The following PHF14 variants were observed in gnomAD, a reference collection of about 807,000 sequenced individuals.
The protein encoded by PHF14 is PHD finger protein 14.
A neutral mutation model predicts 117.9 loss-of-function variants in PHF14; 55 were observed. The observed-to-expected ratio is 0.47, with a 90% CI of 0.38 to 0.58. The LOEUF (loss-of-function observed/expected upper bound fraction) is 0.58, where lower values mean the gene tolerates loss of function less well. Ranked by LOEUF, PHF14 falls within the 20% of genes least tolerant of loss-of-function variation. The pLI, the probability that PHF14 is intolerant of heterozygous loss-of-function variation, is 0.00. For synonymous variants in PHF14, 409 were observed against 368.6 expected (o/e 1.11, Z -1.26); for missense variants, 978 against 1,122.2 (o/e 0.87, Z 1.84).
intron 16 of PHF14, among the ~76,000 whole-genome samples, chr7:11,101,371 A>C (rs544137680): frequency 2.6e-5 from 4 of 151,830 alleles, no homozygotes; most frequent in African/African-American, 7.2e-5. Context: ...TTCCTCTTGC[A>C]TTATACTTTT....
chr7:11,017,455 T>G (rs895907932), intron 5 of PHF14, among the ~76,000 whole-genome samples: 6 of 152,168 alleles, frequency 3.9e-5, no homozygotes, highest in African/African-American at 1.4e-4. Flanking sequence ...GAGATGATAT[T>G]TCATGATAGT....
At chr7:11,100,263 A>G (rs913392312) in intron 16 of PHF14, among the ~76,000 whole-genome samples, 10 of 151,936 alleles carry the variant, frequency 6.6e-5, no homozygotes, top group Admixed American at 3.3e-4. Flanking sequence ...TTGAAATTTG[A>G]TTGATTTCCC....
intron 16 of PHF14, chr7:11,105,449 T>G: frequency 1.0e-6 from 1 of 963,100 alleles, no homozygotes; most frequent in Non-Finnish European, 1.2e-6. Context: ...ATGAGAATAT[T>G]TCATGACTAT....
intron 16 of PHF14, among the ~76,000 whole-genome samples, chr7:11,087,117 G>T (rs182972042): frequency 2.0e-4 from 31 of 152,120 alleles, no homozygotes; most frequent in Middle Eastern, 3.4e-3. Context: ...TATTCTGAAA[G>T]AAATTTGTTA....
intron 17 of PHF14, 72 bp downstream of exon 17, chr7:11,111,539 A>G: frequency 1.4e-6 from 1 of 721,468 alleles, no homozygotes; most frequent in Non-Finnish European, 2.4e-6. Context: ...TCACACAATT[A>G]GCTTCTTTAA....
intron 4 of PHF14, among the ~76,000 whole-genome samples, chr7:10,994,153 T>C (rs1468661540): frequency 6.6e-6 from 1 of 151,018 alleles, no homozygotes; most frequent in Non-Finnish European, 1.5e-5. Context: ...AATGTAAAGA[T>C]CTCAGCCAAG....
intron 13 of PHF14, 92 bp downstream of exon 13, chr7:11,042,906 G>A: frequency 3.5e-6 from 3 of 867,972 alleles, no homozygotes; most frequent in East Asian, 3.0e-5. Context: ...TCATAATAAA[G>A]TATTTGGCAC....
In PHF14 at chr7:10,982,933, C is replaced by G. The variant is rs61753124; in HGVS notation, c.674C>G (p.Ser225Cys). ...RPTVVKRKGR[S>C]ASQKEGSDGD... Reference sequence around the variant, plus strand: ...ACTGTAGTAAAGAGAAAAGGGAGATCTGCGTCTCAGAAAGAGGGAAGTGAT... The same window carrying G: ...ACTGTAGTAAAGAGAAAAGGGAGATGTGCGTCTCAGAAAGAGGGAAGTGAT... Residue 225 changes from serine to cysteine, a missense_variant, in exon 3 of 18, where the codon TCT becomes TGT. Transcript: ENST00000634607. 39,426 of 1,608,034 alleles carry G rather than the reference C, an allele frequency of 0.025. 586 individuals carry two copies. The highest frequency in any genetic ancestry group is 0.029 in the Non-Finnish European group (34,334 of 1,176,560).
chr7:10,975,224 A>T (rs186235400), intron 2 of PHF14, among the ~76,000 whole-genome samples: 9 of 152,220 alleles, frequency 5.9e-5, no homozygotes, highest in Non-Finnish European at 1.2e-4. Flanking sequence ...ATTTATGCTT[A>T]TATTATAGAG....
chr7:11,003,086 G>A (rs1782938237), intron 4 of PHF14, among the ~76,000 whole-genome samples: 1 of 152,056 alleles, frequency 6.6e-6, no homozygotes, highest in East Asian at 1.9e-4. Flanking sequence ...GATTACAGGC[G>A]TGTGCCACCA....
intron 17 of PHF14, among the ~76,000 whole-genome samples, chr7:11,134,834 TAGA>T (rs1182222146): frequency 5.3e-5 from 8 of 152,202 alleles, no homozygotes; most frequent in African/African-American, 1.9e-4. Context: ...ACTCAAACTA[TAGA>T]AGGATACACA....
chr7:11,126,498 G>A (rs1787932977), intron 17 of PHF14, among the ~76,000 whole-genome samples: 1 of 151,844 alleles, frequency 6.6e-6, no homozygotes. Context: ...TTATTTTTTA[G>A]TATTCTCAAA....
At chr7:11,006,648 G>T (rs1190330408) in intron 4 of PHF14, 20 of 617,400 alleles carry the variant, frequency 3.2e-5, no homozygotes, top group South Asian at 2.6e-4. Flanking sequence ...CTTGATGATG[G>T]TATAGTAGTC....
chr7:11,089,130 G>A (rs574135536), intron 16 of PHF14, among the ~76,000 whole-genome samples: 23 of 150,064 alleles, frequency 1.5e-4, no homozygotes, highest in Admixed American at 2.7e-4. Flanking sequence ...TCAGTTAACC[G>A]CAGCAAATAA....
At chr7:11,164,252 G>T (rs1789134890) in intron 17 of PHF14, among the ~76,000 whole-genome samples, 1 of 152,064 alleles carries the variant, frequency 6.6e-6, no homozygotes, top group Admixed American at 6.6e-5. Flanking sequence ...ATAGAGTCTT[G>T]TAACTCTTAC....
rs1032544598 is a variant in PHF14, at chr7:11,013,620, G to A, written c.1046-127G>A. On this transcript the variant is annotated intron_variant, in intron 4 of 17. Coordinates refer to ENST00000634607, the MANE Select transcript of PHF14 (RefSeq NM_001007157.2). The stretch of plus-strand genomic sequence containing the variant: ...TGAGTTTATTTCTGTATTTTAATAC[G>A]TTTCTTATAAACCATTGGTGTTTCA... 2.9e-5 allele frequency: 15 copies of A among 512,090 alleles called. No individual in the cohort carries two copies. The South Asian group carries it at 3.1e-4, about 11-fold the overall frequency. The allele number at this position is 512,090 out of a possible 1,614,324, so 31.7% of individuals were successfully genotyped here. A position where few individuals can be genotyped will look rare whatever the true frequency, so the allele number is the denominator to read the frequency against.
At chr7:11,102,586 G>T (rs1165386420) in intron 16 of PHF14, 3 of 1,593,132 alleles carry the variant, frequency 1.9e-6, no homozygotes, top group African/African-American at 1.3e-5. Context: ...TTAAACTCTC[G>T]ATAGAGTACA....
chr7:10,990,843 T>A lies in PHF14; in HGVS notation c.1041T>A (p.His347Gln). 1 of 1,579,790 alleles carries A rather than the reference T, an allele frequency of 6.3e-7. No homozygotes were observed. Among genetic ancestry groups the A allele is most frequent in the Non-Finnish European group, 8.6e-7 (1 of 1,161,000 alleles). ...GTGACAATTGTGGCATTACAGTCCA[T>A]GAAGGTAATGTTGCTTTCTTTTCTC... ...IQCDNCGITV[H>Q]EGCYGVDGES... is the part of the protein sequence containing the mutation. Residue 347 changes from histidine (H) to glutamine (Q), a missense_variant, in exon 4 of 18, where the codon CAT (histidine) becomes CAA (glutamine). By Grantham distance (24) the His-to-Gln change is conservative (BLOSUM62 0). Around this residue, in one of 7 missense-constraint regions of PHF14, gnomAD observed 86 missense variants for 137.8 expected, o/e 0.62. Coordinates refer to ENST00000634607, the MANE Select transcript of PHF14 (RefSeq NM_001007157.2).
chr7:11,120,141 AAAGTT>A (rs1787709959), intron 17 of PHF14, among the ~76,000 whole-genome samples: 2 of 151,968 alleles, frequency 1.3e-5, no homozygotes, highest in African/African-American at 4.8e-5. Flanking sequence ...AATTATATAG[AAAGTT>A]AAGTATGCAA....
Sources: allele counts gnomAD v4.1 joint callset (sites outside exome capture counted in the v4.1 genomes callset), GRCh38; gene constraint gnomAD v4.1.1; regional missense constraint gnomAD v4.1.1; transcripts MANE v1.5; gene names NCBI Gene and HGNC (gene_info 2026-07-23, HGNC 2026-07-21).